The following ICE1 variants were observed in gnomAD, a reference collection of about 807,000 sequenced individuals.
The protein encoded by ICE1 is little elongation complex subunit 1.
Under a neutral mutation model 192.7 loss-of-function variants are expected in ICE1, and 64 were observed. That is an observed-to-expected ratio of 0.33 (90% CI 0.27 to 0.41). The LOEUF (loss-of-function observed/expected upper bound fraction) is 0.41, where lower values mean the gene tolerates loss of function less well. ICE1 is among the 10% of genes least tolerant of loss of function. The pLI is 1.00. For missense variants in ICE1, 2,708 were observed against 2,696.0 expected (o/e 1.00, Z -0.10); for synonymous variants, 1,010 against 984.5 (o/e 1.03, Z -0.49).
intron 11 of ICE1, among the ~76,000 whole-genome samples, chr5:5,454,851 A>C (rs182224234): frequency 1.2e-3 from 177 of 148,172 alleles, no homozygotes; most frequent in African/African-American, 4.3e-3. Context: ...GAGAACCTTC[A>C]AAAAAAAACG....
chr5:5,445,380 CTATTG>C (rs1384377375), intron 7 of ICE1, among the ~76,000 whole-genome samples: 1 of 152,026 alleles, frequency 6.6e-6, no homozygotes, highest in Admixed American at 6.6e-5. Context: ...AGATAAGTGT[CTATTG>C]TATTTAAACA....
chr5:5,462,232 C>G lies in ICE1; in HGVS notation c.2898C>G (p.Ile966Met), dbSNP rs1385505881. ...RLSFSPENIL[I>M]QNQDIVREAA... Reference sequence around the variant, plus strand: ...CTTTCTCTCCTGAAAATATCCTCATCCAAAACCAAGACATTGTGAGAGAAG... The same window carrying G: ...CTTTCTCTCCTGAAAATATCCTCATGCAAAACCAAGACATTGTGAGAGAAG... The change falls in exon 13 of 19, where the codon ATC becomes ATG. Residue 966 changes from isoleucine to methionine, a missense_variant. Ile to Met is a conservative substitution (Grantham distance 10). Around this residue, in one of 2 missense-constraint regions of ICE1, gnomAD observed 2,366 missense variants for 2,276.6 expected, o/e 1.04. Transcript: ENST00000296564. 3.7e-6 allele frequency: 6 copies of G among 1,610,842 alleles called. No individual in the cohort carries two copies. In the African/African-American group the frequency reaches 6.7e-5, roughly 18 times the overall value.
At chr5:5,459,479 G>A (rs1269949794) in intron 12 of ICE1, among the ~76,000 whole-genome samples, 1 of 152,192 alleles carries the variant, frequency 6.6e-6, no homozygotes, top group Non-Finnish European at 1.5e-5. Context: ...TGCAGTGGAA[G>A]TCATGCAGCT....
chr5:5,470,014 G>A (rs1739108990), intron 15 of ICE1, among the ~76,000 whole-genome samples: 1 of 152,104 alleles, frequency 6.6e-6, no homozygotes, highest in Admixed American at 6.6e-5. Context: ...AGACTTACCT[G>A]CTTTGAGGGT....
chr5:5,453,876 T>C (rs1457581779), intron 10 of ICE1, among the ~76,000 whole-genome samples: 1 of 152,194 alleles, frequency 6.6e-6, no homozygotes, highest in Non-Finnish European at 1.5e-5. Context: ...ATTTTAGGAA[T>C]TTACATCTCT....
chr5:5,436,545 T>C, intron 2 of ICE1, 69 bp downstream of exon 2: 1 of 867,376 alleles, frequency 1.2e-6, no homozygotes, highest in African/African-American at 1.8e-5. Context: ...CAGGCGGTGC[T>C]TTTAGGCCCC....
chr5:5,448,150 A>G (rs2560299), intron 10 of ICE1, among the ~76,000 whole-genome samples: 68,891 of 152,006 alleles, frequency 0.45, 16,567 homozygotes, highest in East Asian at 0.64. Context: ...GAGATATAAC[A>G]TCTGCTTTTT....
chr5:5,483,251 C>T (rs1382589196), intron 17 of ICE1, among the ~76,000 whole-genome samples: 1 of 152,154 alleles, frequency 6.6e-6, no homozygotes, highest in South Asian at 2.1e-4. Flanking sequence ...CTGCCTTGGC[C>T]TCCCAAAGTG....
Position 5,447,450 on chromosome 5 carries a change from G to A in ICE1, c.448G>A (p.Asp150Asn). The A allele has an allele frequency of 1.9e-6, 3 of 1,552,746 alleles. No individual in the cohort carries two copies. Among genetic ancestry groups the A allele is most frequent in the Non-Finnish European group, 1.7e-6 (2 of 1,147,504 alleles). ...AGAGGCTGCTGTCAAGCAAACTCAG[G>A]ACTTCAAGCAACTGAGAAATGAAAA... Reference protein sequence around the residue: ...LQEAAVKQTQDFKQLRNEKKI... With the variant: ...LQEAAVKQTQNFKQLRNEKKI... Residue 150 changes from aspartate (D) to asparagine (N), a missense_variant, in exon 8 of 19, where the codon GAC (aspartate) becomes AAC (asparagine). Coordinates refer to ENST00000296564, the MANE Select transcript of ICE1 (RefSeq NM_015325.3).
rs145767500 is a variant in ICE1, at chr5:5,423,820, T to C, written c.84+821T>C. 6.6e-5 allele frequency among the ~76,000 whole-genome samples: 10 copies of C among 152,342 alleles called. No individual in the cohort carries two copies. The East Asian group carries it at 1.9e-3, about 29-fold the overall frequency. ...GCACCTCATTACCTACTCTGCCTAG[T>C]GTTCTAGGAACTACAGACATTGTGG... On this transcript the variant is annotated intron_variant, in intron 1 of 18. Transcript: ENST00000296564.
chr5:5,426,886 G>T lies in ICE1; in HGVS notation c.84+3887G>T, dbSNP rs181488193. 5.7e-3 allele frequency among the ~76,000 whole-genome samples: 867 copies of T among 152,316 alleles called. 10 individuals carry two copies. The highest frequency in any genetic ancestry group is 0.014 in the Middle Eastern group (4 of 294). On this transcript the variant is annotated intron_variant, in intron 1 of 18. Transcript: ENST00000296564. ...AGAAACTAAAGAGGTACAGAGAGAA[G>T]ATATTCTGTGCTATAGTTTTAACTT... is the stretch of plus-strand genomic sequence containing the variant.
intron 1 of ICE1, among the ~76,000 whole-genome samples, chr5:5,423,226 A>G (rs937962173): frequency 5.9e-5 from 9 of 152,142 alleles, no homozygotes; most frequent in Non-Finnish European, 1.2e-4. Flanking sequence ...ATTGACTGGA[A>G]TGCGCTGGTG....
chr5:5,458,605 G>A (rs1015510995), intron 12 of ICE1, among the ~76,000 whole-genome samples: 1 of 152,188 alleles, frequency 6.6e-6, no homozygotes, highest in Non-Finnish European at 1.5e-5. Flanking sequence ...TGGAGGAGCT[G>A]TTCTCACAAG....
At position 5,463,206 on chromosome 5, in the gene ICE1, A is replaced by G. The variant is rs1408426856; in HGVS notation, c.3872A>G (p.Asn1291Ser). ...DTGSLLLLNV[N>S]NNMTTENLKE... ...GGCAGTTTATTGCTCTTAAATGTAA[A>G]TAACAACATGACCACTGAGAATTTA... is the stretch of plus-strand genomic sequence containing the variant. The change falls in exon 13 of 19, where the codon AAT (asparagine) becomes AGT (serine). Residue 1291 changes from asparagine (N) to serine (S), a missense_variant. By Grantham distance (46) the Asn-to-Ser change is conservative. Transcript: ENST00000296564. The G allele has an allele frequency of 1.2e-6, 2 of 1,611,476 alleles. No individual in the cohort carries two copies. The highest frequency in any genetic ancestry group is 1.7e-6 in the Non-Finnish European group (2 of 1,179,080).
At chr5:5,433,519 T>C (rs569782976) in intron 1 of ICE1, among the ~76,000 whole-genome samples, 128 of 152,304 alleles carry the variant, frequency 8.4e-4, no homozygotes, top group Non-Finnish European at 2.2e-4. Flanking sequence ...TATCCTCTTG[T>C]CATCCTTGTT....
In ICE1 at chr5:5,447,413, C is replaced by T; in HGVS notation, c.425-14C>T. On this transcript the variant is annotated splice_polypyrimidine_tract_variant and intron_variant, in intron 7 of 18. Transcript: ENST00000296564. The stretch of plus-strand genomic sequence containing the variant: ...AATTATTTTTCTCTCCCTATTGCTT[C>T]ATTGGACTTAAAGAGGCTGCTGTCA... 6.5e-7 allele frequency: 1 copy of T among 1,530,198 alleles called. No individual in the cohort carries two copies. Among genetic ancestry groups the T allele is most frequent in the Non-Finnish European group, 8.8e-7 (1 of 1,129,980 alleles). The allele number at this position is 1,530,198 out of a possible 1,614,324, so 94.8% of individuals were successfully genotyped here. A position where few individuals can be genotyped will look rare whatever the true frequency, so the allele number is the denominator to read the frequency against.
chr5:5,479,903 A>G (rs1739444965), intron 17 of ICE1, among the ~76,000 whole-genome samples: 1 of 152,116 alleles, frequency 6.6e-6, no homozygotes, highest in African/African-American at 2.4e-5. Flanking sequence ...GAACACATGG[A>G]CACAGGGGAA....
chr5:5,486,594 G>A, intron 17 of ICE1, 127 bp from the exon 18 acceptor site: 1 of 645,564 alleles, frequency 1.5e-6, no homozygotes, highest in South Asian at 1.9e-5. Context: ...ATCTGGTATA[G>A]GTGATTGCAA....
At position 5,447,870 on chromosome 5, in the gene ICE1, A is replaced by G. The variant is rs760335921; in HGVS notation, c.577A>G (p.Ser193Gly). 1.3e-6 allele frequency: 2 copies of G among 1,577,548 alleles called. No homozygotes were observed. The highest frequency in any genetic ancestry group is 2.3e-5 in the East Asian group (1 of 43,738). ...GAGACATATTGGAACACAAATTTCA[A>G]GTGATTCATATGGAAGCATAGATAA... ...ELRHIGTQIS[S>G]DSYGSIDKRK... The change falls in exon 10 of 19, where the codon AGT (serine) becomes GGT (glycine). Residue 193 changes from serine (S) to glycine (G), a missense_variant. Transcript: ENST00000296564.
Sources: allele counts gnomAD v4.1 joint callset (sites outside exome capture counted in the v4.1 genomes callset), GRCh38; gene constraint gnomAD v4.1.1; regional missense constraint gnomAD v4.1.1; transcripts MANE v1.5; gene names NCBI Gene and HGNC (gene_info 2026-07-23, HGNC 2026-07-21).